Variants in ZHX3 observed in about 807,000 individuals in gnomAD.
ZHX3 encodes zinc fingers and homeoboxes protein 3.
A neutral mutation model predicts 64.5 loss-of-function variants in ZHX3; 20 were observed. The observed-to-expected ratio is 0.31, with a 90% CI of 0.22 to 0.45. The LOEUF is 0.45. ZHX3 is among the 20% of genes least tolerant of loss of function. The pLI, the probability that ZHX3 is intolerant of heterozygous loss-of-function variation, is 1.00. For synonymous variants in ZHX3, 423 were observed against 461.6 expected, an observed-to-expected ratio of 0.92 and a Z score of 1.07; for missense variants, 1,041 against 1,195.8, an observed-to-expected ratio of 0.87 and a Z score of 1.91.
chr20:41,285,445 G>A (rs1330827565), intron 1 of ZHX3, among the ~76,000 whole-genome samples: 1 of 152,216 alleles, frequency 6.6e-6, no homozygotes, highest in African/African-American at 2.4e-5. Context: ...CCTTCGACAT[G>A]TCAGTTAACT....
intron 2 of ZHX3, among the ~76,000 whole-genome samples, chr20:41,247,543 A>G (rs1386716942): frequency 1.3e-5 from 2 of 152,152 alleles, no homozygotes; most frequent in East Asian, 3.8e-4. Context: ...ACAGGCATTA[A>G]GTGCCTGTTA....
At chr20:41,252,123 G>C (rs1383884373) in intron 2 of ZHX3, among the ~76,000 whole-genome samples, 2 of 152,184 alleles carry the variant, frequency 1.3e-5, no homozygotes, top group East Asian at 1.9e-4. Context: ...TTCTACTGGT[G>C]AGTTGGCTGT....
chr20:41,274,276 C>T (rs1005260521), intron 1 of ZHX3, among the ~76,000 whole-genome samples: 4 of 152,162 alleles, frequency 2.6e-5, no homozygotes, highest in South Asian at 2.1e-4. Flanking sequence ...CAGAGATGCA[C>T]GAAGCTTATT....
Position 41,203,751 on chromosome 20 carries a change from G to C in ZHX3, c.1166C>G (p.Thr389Arg), listed in dbSNP as rs760114664. Residue 389 changes from threonine (T) to arginine (R), a missense_variant, in exon 3 of 4, where the codon ACG becomes AGG. This residue lies in a region of ZHX3 where 649 missense variants were observed against 739.8 expected (regional missense o/e 0.88). Transcript: ENST00000683867. The surrounding 1 kb of genome is among the most constrained non-coding windows in gnomAD (Gnocchi z 7.1). Reference protein sequence around the residue: ...VIQSVPQPTITVLNTPLVASA... With the variant: ...VIQSVPQPTIRVLNTPLVASA... ...GGCGACGAGTGGGGTATTTAGAACC[G>C]TAATTGTGGGCTGAGGCACAGACTG... 6.2e-7 allele frequency: 1 copy of C among 1,614,074 alleles called. No individual in the cohort carries two copies. Among genetic ancestry groups the C allele is most frequent in the Non-Finnish European group, 8.5e-7 (1 of 1,180,046 alleles).
chr20:41,302,034 A>C (rs2044833231), intron 1 of ZHX3, among the ~76,000 whole-genome samples: 1 of 130,816 alleles, frequency 7.6e-6, no homozygotes, highest in Non-Finnish European at 1.6e-5. Flanking sequence ...AGCCTGGGCG[A>C]CGGAGCGAGA....
Position 41,203,039 on chromosome 20 carries a change from G to A in ZHX3, c.1878C>T (p.Ala626=), listed in dbSNP as rs267605933. 1.9e-5 allele frequency: 31 copies of A among 1,614,004 alleles called. No homozygotes were observed. Among genetic ancestry groups the A allele is most frequent in the Non-Finnish European group, 2.6e-5 (31 of 1,180,038 alleles). ...GGTTTTGTGCAAAACTGCTCTCCAG[G>A]GCTCTGAGCTGCTCAGGGGCTCTCT... ...YKERAPEQLR[A]LESSFAQNPL... The change falls in exon 3 of 4, where the codon GCC becomes GCT. Residue 626 remains alanine, a synonymous_variant. Transcript: ENST00000683867. The surrounding 1 kb of genome is among the most constrained non-coding windows in gnomAD (Gnocchi z 7.1).
rs555883542 is a variant in ZHX3, at chr20:41,302,053, C to CAA, written c.-245+15454_-245+15455dup. The stretch of plus-strand genomic sequence containing the variant: ...TGGGCGACGGAGCGAGACTCCATCT[C>CAA]AAAAAAAAAAAAAAAAAAAAAAAAA... On this transcript the variant is annotated intron_variant, in intron 1 of 3. Transcript: ENST00000683867. 3.3e-3 allele frequency among the ~76,000 whole-genome samples: 207 copies of CAA among 62,336 alleles called. 7 individuals are homozygous for CAA. The highest frequency in any genetic ancestry group is 0.011 in the African/African-American group (184 of 17,234). 40.9% of individuals were successfully genotyped at this position (62,336 alleles called of 152,430 possible). A position where few individuals can be genotyped will look rare whatever the true frequency, so the allele number is the denominator to read the frequency against.
chr20:41,315,471 G>A (rs999302388), intron 1 of ZHX3, among the ~76,000 whole-genome samples: 19 of 150,476 alleles, frequency 1.3e-4, no homozygotes, highest in African/African-American at 4.7e-4. Context: ...GTGATTACAA[G>A]TGTAAGCTTG....
rs532018056 is a variant in ZHX3, at chr20:41,183,888, T to C, written c.*1303A>G. On this transcript the variant is annotated 3_prime_UTR_variant, in exon 4 of 4. Coordinates refer to ENST00000683867, the MANE Select transcript of ZHX3 (RefSeq NM_001384317.1). The surrounding 1 kb of genome is among the most constrained non-coding windows in gnomAD (Gnocchi z 5.3). ...GCACCATTTCCTGTAATTTTCTCAA[T>C]TCAAAAAAGGACATGAGGGTTAGGC... The C allele has an allele frequency of 1.3e-5, 2 of 152,318 alleles. No homozygotes were observed. The highest frequency in any genetic ancestry group is 2.1e-4 in the South Asian group (1 of 4,830). The allele number at this position is 152,318 out of a possible 1,614,324, so 9.4% of individuals were successfully genotyped here.
intron 2 of ZHX3, among the ~76,000 whole-genome samples, chr20:41,220,662 GT>G (rs200361266): frequency 2.0e-5 from 3 of 151,562 alleles, no homozygotes; most frequent in South Asian, 2.1e-4. Flanking sequence ...ATATGATACA[GT>G]TTTTTTTGGT....
intron 2 of ZHX3, among the ~76,000 whole-genome samples, chr20:41,261,229 A>C (rs1391650308): frequency 6.6e-6 from 1 of 152,226 alleles, no homozygotes; most frequent in African/African-American, 2.4e-5. Flanking sequence ...ATGAAGGGGA[A>C]TCTAGTAGAG....
intron 2 of ZHX3, among the ~76,000 whole-genome samples, chr20:41,253,518 G>C (rs563396374): frequency 4.6e-5 from 7 of 152,218 alleles, no homozygotes; most frequent in Admixed American, 4.6e-4. Flanking sequence ...GGTAGAACAG[G>C]ATGCCATATG....
intron 1 of ZHX3, among the ~76,000 whole-genome samples, chr20:41,303,856 T>C (rs1364548909): frequency 6.6e-6 from 1 of 152,160 alleles, no homozygotes; most frequent in Non-Finnish European, 1.5e-5. Context: ...TCCTCACACT[T>C]CCTAGCTGAG....
chr20:41,220,672 G>GTT (rs1032691106), intron 2 of ZHX3, among the ~76,000 whole-genome samples: 1 of 151,238 alleles, frequency 6.6e-6, no homozygotes, highest in Non-Finnish European at 1.5e-5. Flanking sequence ...GTTTTTTTTG[G>GTT]TTTTTTTTGT....
chr20:41,235,590 C>G (rs1262574532), intron 2 of ZHX3, among the ~76,000 whole-genome samples: 1 of 152,156 alleles, frequency 6.6e-6, no homozygotes, highest in Non-Finnish European at 1.5e-5. Context: ...GCTAAAAACT[C>G]TCAATAAATT....
At chr20:41,206,342 TAAC>T (rs2038709105) in intron 2 of ZHX3, among the ~76,000 whole-genome samples, 2 of 152,146 alleles carry the variant, frequency 1.3e-5, no homozygotes, top group East Asian at 1.9e-4. Context: ...CGATCAGTAA[TAAC>T]AAACTTCTCT....
At chr20:41,315,435 C>T (rs186578888) in intron 1 of ZHX3, among the ~76,000 whole-genome samples, 3 of 150,254 alleles carry the variant, frequency 2.0e-5, no homozygotes, top group Admixed American at 1.3e-4. Context: ...CCTCGTGATC[C>T]GCCCGCCTCG....
intron 1 of ZHX3, among the ~76,000 whole-genome samples, chr20:41,276,180 T>C (rs2043368066): frequency 6.6e-6 from 1 of 152,228 alleles, no homozygotes; most frequent in Non-Finnish European, 1.5e-5. Context: ...TGATAGCCAC[T>C]TGAGTCTGTG....
intron 2 of ZHX3, among the ~76,000 whole-genome samples, chr20:41,247,029 G>A (rs1034110004): frequency 6.6e-6 from 1 of 152,174 alleles, no homozygotes; most frequent in Admixed American, 6.5e-5. Context: ...GGGAGGCTAA[G>A]GCTGGCAGAT....
Sources: allele counts gnomAD v4.1 joint callset (sites outside exome capture counted in the v4.1 genomes callset), GRCh38; gene constraint gnomAD v4.1.1; regional missense constraint gnomAD v4.1.1; non-coding constraint Gnocchi (gnomAD v3.1); transcripts MANE v1.5; gene names NCBI Gene and HGNC (gene_info 2026-07-23, HGNC 2026-07-21).